The following MECOM variants were observed in gnomAD, a reference collection of about 807,000 sequenced individuals.
MECOM encodes the protein MDS1 and EVI1 complex locus, also known as histone-lysine N-methyltransferase MECOM.
A neutral mutation model predicts 116.3 loss-of-function variants in MECOM; 13 were observed. That is an observed-to-expected ratio of 0.11 (90% CI 0.07 to 0.18). The LOEUF is 0.18. MECOM is among the 10% of genes least tolerant of loss of function. The pLI is 1.00. For missense variants in MECOM, 1,299 were observed against 1,509.0 expected (o/e 0.86, Z 2.31); for synonymous variants, 528 against 535.2 (o/e 0.99, Z 0.19).
At chr3:169,524,652 T>C (rs983359719) in intron 1 of MECOM, among the ~76,000 whole-genome samples, 2 of 152,176 alleles carry the variant, frequency 1.3e-5, no homozygotes, top group African/African-American at 4.8e-5. Context: ...GATACCACCA[T>C]GATTTAAGTA....
intron 13 of MECOM, among the ~76,000 whole-genome samples, chr3:169,093,737 T>C (rs1720599633): frequency 6.6e-6 from 1 of 152,208 alleles, no homozygotes; most frequent in Admixed American, 6.5e-5. Flanking sequence ...TATCACTGGA[T>C]TGGTGTAAGG....
chr3:169,637,197 C>A (rs989509352), intron 1 of MECOM, among the ~76,000 whole-genome samples: 1 of 152,144 alleles, frequency 6.6e-6, no homozygotes, highest in African/African-American at 2.4e-5. Context: ...CAGTAGCAAG[C>A]AGCCATTCGA....
At chr3:169,271,893 T>C (rs1176840110) in intron 2 of MECOM, among the ~76,000 whole-genome samples, 1 of 152,212 alleles carries the variant, frequency 6.6e-6, no homozygotes. Flanking sequence ...ATCGTGCAAC[T>C]GCCCATAAAA....
intron 1 of MECOM, among the ~76,000 whole-genome samples, chr3:169,659,452 T>C (rs1264954986): frequency 2.7e-5 from 3 of 110,786 alleles, no homozygotes; most frequent in Non-Finnish European, 5.5e-5. Context: ...TTTTTTTTTT[T>C]TTTTTTTTTT....
intron 1 of MECOM, among the ~76,000 whole-genome samples, chr3:169,409,777 A>C (rs1417187211): frequency 6.6e-6 from 1 of 152,196 alleles, no homozygotes; most frequent in Admixed American, 6.5e-5. Flanking sequence ...ATTAGCTAAC[A>C]ATTTTTCTTT....
chr3:169,419,421 G>C (rs543440528), intron 1 of MECOM, among the ~76,000 whole-genome samples: 2 of 152,212 alleles, frequency 1.3e-5, no homozygotes, highest in East Asian at 3.9e-4. Context: ...AACCAAATAA[G>C]AGCCCATATA....
rs1773506346 is a variant in MECOM at position 169,641,643 on chromosome 3, A to C, written c.37+21693T>G. 2.0e-5 allele frequency among the ~76,000 whole-genome samples: 3 copies of C among 152,218 alleles called. No homozygotes were observed. In the South Asian group the frequency reaches 6.2e-4, roughly 32 times the overall value. On this transcript the variant is annotated intron_variant, in intron 1 of 16. Coordinates refer to ENST00000651503, the MANE Select transcript of MECOM (RefSeq NM_004991.4). ...TATAAATGCCATTTTTTAGTTAACAAAGCATTCTCCAATGTATTAGCTCAT... is the reference window on the plus strand; with the variant it reads ...TATAAATGCCATTTTTTAGTTAACACAGCATTCTCCAATGTATTAGCTCAT...
At chr3:169,326,423 T>C (rs537225767) in intron 2 of MECOM, among the ~76,000 whole-genome samples, 1 of 152,200 alleles carries the variant, frequency 6.6e-6, no homozygotes, top group Non-Finnish European at 1.5e-5. Context: ...GTAGAATTTA[T>C]TATCTGAAAG....
At chr3:169,162,396 A>C (rs990303127) in intron 2 of MECOM, among the ~76,000 whole-genome samples, 1 of 152,186 alleles carries the variant, frequency 6.6e-6, no homozygotes, top group Non-Finnish European at 1.5e-5. Context: ...ATAGTACAAG[A>C]CTGTACGTCA....
chr3:169,154,056 T>G (rs1312519047), intron 2 of MECOM, among the ~76,000 whole-genome samples: 1 of 152,118 alleles, frequency 6.6e-6, no homozygotes, highest in Non-Finnish European at 1.5e-5. Context: ...TTAAGAAAAG[T>G]GTTTTTTTTC....
At chr3:169,554,032 C>G (rs1004214849) in intron 1 of MECOM, among the ~76,000 whole-genome samples, 3 of 152,166 alleles carry the variant, frequency 2.0e-5, no homozygotes, top group Non-Finnish European at 2.9e-5. Flanking sequence ...CATTTCCCAG[C>G]CTCCCTTGCA....
At chr3:169,588,168 A>G (rs1366787540) in intron 1 of MECOM, among the ~76,000 whole-genome samples, 1 of 152,184 alleles carries the variant, frequency 6.6e-6, no homozygotes, top group African/African-American at 2.4e-5. Flanking sequence ...TCTTCTGTAT[A>G]ATATTACAGT....
chr3:169,149,653 T>C (rs774681483), intron 2 of MECOM: 1 of 506,082 alleles, frequency 2.0e-6, no homozygotes, highest in Admixed American at 2.0e-5. Context: ...AGTCCAGGCA[T>C]GTAGACATCA....
rs1420571362 is a variant in MECOM, at chr3:169,611,617, A to C, written c.37+51719T>G. ...TTCCATTGCTTTCCTTCTGACTTAA[A>C]GAGCGTTCCTATAACAGCTAATAAT... On this transcript the variant is annotated intron_variant, in intron 1 of 16. Transcript: ENST00000651503. This position sits in a 1 kb window ranked among gnomAD's most constrained non-coding sequence, Gnocchi z 4.1. Among the ~76,000 whole-genome samples the C allele has an allele frequency of 6.6e-6, 1 of 152,248 alleles. No homozygotes were observed. Among genetic ancestry groups the C allele is most frequent in the Non-Finnish European group, 1.5e-5 (1 of 68,036 alleles).
intron 1 of MECOM, among the ~76,000 whole-genome samples, chr3:169,388,738 C>T (rs777183078): frequency 2.0e-5 from 3 of 152,070 alleles, no homozygotes; most frequent in Non-Finnish European, 4.4e-5. Flanking sequence ...CTGTAGAACC[C>T]GTGTCTCTAG....
chr3:169,482,896 T>A (rs529735785), intron 1 of MECOM, among the ~76,000 whole-genome samples: 2 of 152,226 alleles, frequency 1.3e-5, no homozygotes, highest in Non-Finnish European at 2.9e-5. Context: ...ATATTTCTAA[T>A]GGAAGTCTCC....
At chr3:169,114,488 T>A (rs1168010122) in intron 8 of MECOM, among the ~76,000 whole-genome samples, 1 of 152,132 alleles carries the variant, frequency 6.6e-6, no homozygotes, top group African/African-American at 2.4e-5. Flanking sequence ...TAATAGCACA[T>A]TTTCTCTTCA....
intron 1 of MECOM, among the ~76,000 whole-genome samples, chr3:169,575,355 G>A (rs1018405950): frequency 3.9e-5 from 6 of 152,214 alleles, no homozygotes; most frequent in African/African-American, 1.2e-4. Context: ...TGTGCCCTGC[G>A]GGGGTAGAAA....
chr3:169,145,141 T>A, intron 2 of MECOM: 1 of 643,758 alleles, frequency 1.6e-6, no homozygotes, highest in Non-Finnish European at 2.6e-6. Context: ...GGGATATTAT[T>A]AAACACACAC....
Sources: allele counts gnomAD v4.1 joint callset (sites outside exome capture counted in the v4.1 genomes callset), GRCh38; gene constraint gnomAD v4.1.1; non-coding constraint Gnocchi (gnomAD v3.1); transcripts MANE v1.5; gene names NCBI Gene and HGNC (gene_info 2026-07-23, HGNC 2026-07-21).